GRIA1: variants seen among roughly 807,000 people sequenced by gnomAD.
GRIA1 encodes glutamate ionotropic receptor AMPA type subunit 1, also known as glutamate receptor 1.
GRIA1 carries 31 observed loss-of-function variants against 99.2 expected under a neutral mutation model. The observed-to-expected ratio is 0.31, with a 90% CI of 0.23 to 0.42. GRIA1 has a LOEUF of 0.42. Ranked by LOEUF, GRIA1 falls within the 10% of genes least tolerant of loss-of-function variation. The probability of loss-of-function intolerance (pLI) is 1.00; values close to 1 mark genes in which losing one functional copy is unlikely to be tolerated. For synonymous variants in GRIA1, 438 were observed against 432.4 expected (o/e 1.01, Z -0.16); for missense variants, 782 against 1,157.5 (o/e 0.68, Z 4.71).
chr5:153,706,191 T>C, intron 11 of GRIA1, 124 bp downstream of exon 11: 1 of 947,658 alleles, frequency 1.1e-6, no homozygotes. Context: ...ATTCAGTTTT[T>C]CAACTATTCT....
intron 6 of GRIA1, among the ~76,000 whole-genome samples, chr5:153,675,721 G>A (rs955490400): frequency 6.6e-6 from 1 of 152,118 alleles, no homozygotes; most frequent in African/African-American, 2.4e-5. Flanking sequence ...ATTTCAATAT[G>A]ATCTTAAGCA....
At chr5:153,554,907 T>C (rs1344184735) in intron 2 of GRIA1, among the ~76,000 whole-genome samples, 2 of 152,176 alleles carry the variant, frequency 1.3e-5, no homozygotes, top group Admixed American at 6.5e-5. Flanking sequence ...TCTACTAGTA[T>C]AGTGACCATT....
intron 15 of GRIA1, among the ~76,000 whole-genome samples, 162 bp downstream of exon 15, chr5:153,802,652 A>T (rs1052373994): frequency 1.3e-5 from 2 of 152,160 alleles, no homozygotes; most frequent in African/African-American, 4.8e-5. Context: ...GGACAAAGGC[A>T]GCCATGAGAA....
intron 11 of GRIA1, among the ~76,000 whole-genome samples, chr5:153,740,188 G>A (rs1363543624): frequency 6.6e-6 from 1 of 152,148 alleles, no homozygotes; most frequent in Non-Finnish European, 1.5e-5. Context: ...AATGTATTAG[G>A]GATTGCAAAG....
At chr5:153,572,157 G>C (rs1347959352) in intron 2 of GRIA1, among the ~76,000 whole-genome samples, 1 of 152,152 alleles carries the variant, frequency 6.6e-6, no homozygotes, top group Non-Finnish European at 1.5e-5. Flanking sequence ...AAATGTTCAA[G>C]TATCTCTGTC....
At chr5:153,748,852 A>G (rs1317113584) in intron 11 of GRIA1, among the ~76,000 whole-genome samples, 1 of 152,154 alleles carries the variant, frequency 6.6e-6, no homozygotes, top group African/African-American at 2.4e-5. Context: ...AGAATTTTGA[A>G]TTGGATACTT....
chr5:153,533,124 G>A (rs567752279), intron 2 of GRIA1, among the ~76,000 whole-genome samples: 81 of 152,236 alleles, frequency 5.3e-4, no homozygotes, highest in Middle Eastern at 6.8e-3. Flanking sequence ...ACAGAATGTT[G>A]TCTGAGCTGA....
chr5:153,725,189 G>A (rs1302984606), intron 11 of GRIA1, among the ~76,000 whole-genome samples: 2 of 151,610 alleles, frequency 1.3e-5, no homozygotes, highest in East Asian at 3.9e-4. Context: ...TTACAGACAA[G>A]CAAATGCTGA....
intron 13 of GRIA1, among the ~76,000 whole-genome samples, chr5:153,793,064 G>A (rs1765402828): frequency 6.6e-6 from 1 of 152,216 alleles, no homozygotes; most frequent in Admixed American, 6.5e-5. Context: ...AACGGTTATA[G>A]TAATCAGAGC....
Position 153,791,135 on chromosome 5 carries a change from T to TA in GRIA1, c.2271-3477dup, listed in dbSNP as rs869089381. ...TTTTAGCAATTCGTTTCTGTCTCCT[T>TA]AAAAAAAAAGAAGAAGAAGACCAGG... On this transcript the variant is annotated intron_variant, in intron 13 of 15. Transcript: ENST00000285900. Among the ~76,000 whole-genome samples, 20 of 130,436 alleles carry TA rather than the reference T, an allele frequency of 1.5e-4. No homozygotes were observed. The South Asian group carries it at 3.3e-3, about 21-fold the overall frequency. 85.6% of individuals were successfully genotyped at this position (130,436 alleles called of 152,430 possible).
At chr5:153,756,801 G>A (rs1022875767) in intron 11 of GRIA1, among the ~76,000 whole-genome samples, 4 of 152,150 alleles carry the variant, frequency 2.6e-5, no homozygotes, top group Non-Finnish European at 4.4e-5. Context: ...CAGAGTCACA[G>A]ACTCTGACAA....
chr5:153,590,719 A>C (rs1166959971), intron 2 of GRIA1, among the ~76,000 whole-genome samples: 1 of 152,160 alleles, frequency 6.6e-6, no homozygotes, highest in Non-Finnish European at 1.5e-5. Context: ...GGGCATCCTT[A>C]TTTTACCTCT....
intron 8 of GRIA1, among the ~76,000 whole-genome samples, chr5:153,687,040 C>G (rs1251530528): frequency 6.6e-6 from 1 of 152,160 alleles, no homozygotes; most frequent in African/African-American, 2.4e-5. Flanking sequence ...CTTCCTCCCC[C>G]CATCTCCCTC....
Position 153,555,827 on chromosome 5 carries a change from C to A in GRIA1, c.220+61762C>A, listed in dbSNP as rs542754232. Among the ~76,000 whole-genome samples, 27 of 152,282 alleles carry A rather than the reference C, an allele frequency of 1.8e-4. No individual in the cohort carries two copies. In the East Asian group the frequency reaches 3.1e-3, roughly 17 times the overall value. ...CAGCTGAAAGTCGAATCATTTGATC[C>A]AACGGGAAAGAAGCTAAAATTGTCC... On this transcript the variant is annotated intron_variant, in intron 2 of 15. Coordinates refer to ENST00000285900, the MANE Select transcript of GRIA1 (RefSeq NM_000827.4).
rs890787489 is a variant in GRIA1, at chr5:153,645,542, T to C, written c.221-1386T>C. Among the ~76,000 whole-genome samples the C allele has an allele frequency of 7.2e-5, 11 of 152,334 alleles. No individual in the cohort carries two copies. The East Asian group carries it at 9.7e-4, about 13-fold the overall frequency. ...AATCTGGGATAAAAATGGGTAGAAT[T>C]CCTCACAATCTTTTATGCAGCTAAT... On this transcript the variant is annotated intron_variant, in intron 2 of 15. Coordinates refer to ENST00000285900, the MANE Select transcript of GRIA1 (RefSeq NM_000827.4).
chr5:153,619,759 G>T (rs1487270269), intron 2 of GRIA1, among the ~76,000 whole-genome samples: 1 of 152,172 alleles, frequency 6.6e-6, no homozygotes, highest in Non-Finnish European at 1.5e-5. Context: ...TACTACAACC[G>T]TTTGGCCTTT....
chr5:153,567,595 A>G (rs1235106985), intron 2 of GRIA1, among the ~76,000 whole-genome samples: 2 of 13,298 alleles, frequency 1.5e-4, no homozygotes, highest in African/African-American at 1.9e-4. Flanking sequence ...ATCTACAGAC[A>G]CTGCCAAATG....
At chr5:153,644,897 A>AG (rs1367941757) in intron 2 of GRIA1, among the ~76,000 whole-genome samples, 1 of 151,778 alleles carries the variant, frequency 6.6e-6, no homozygotes, top group Non-Finnish European at 1.5e-5. Flanking sequence ...TGGCTACAGC[A>AG]GGCAGCAAGG....
At chr5:153,660,445 C>G (rs1755282759) in intron 5 of GRIA1, among the ~76,000 whole-genome samples, 1 of 152,124 alleles carries the variant, frequency 6.6e-6, no homozygotes, top group African/African-American at 2.4e-5. Context: ...AGTGATGGAG[C>G]TGCACTTCTC....
Sources: allele counts gnomAD v4.1 joint callset (sites outside exome capture counted in the v4.1 genomes callset), GRCh38; gene constraint gnomAD v4.1.1; transcripts MANE v1.5; gene names NCBI Gene and HGNC (gene_info 2026-07-23, HGNC 2026-07-21).